YTHDC2: variants seen among roughly 807,000 people sequenced by gnomAD.
YTHDC2 encodes the protein 3'-5' RNA helicase YTHDC2.
YTHDC2 carries 45 observed loss-of-function variants against 174.9 expected under a neutral mutation model. The observed-to-expected ratio is 0.26, with a 90% CI of 0.20 to 0.33. The LOEUF is 0.33. Ranked by LOEUF, YTHDC2 falls within the 10% of genes least tolerant of loss-of-function variation. The pLI, the probability that YTHDC2 is intolerant of heterozygous loss-of-function variation, is 1.00. For synonymous variants in YTHDC2, 657 were observed against 574.5 expected, an observed-to-expected ratio of 1.14 and a Z score of -2.05; for missense variants, 1,650 against 1,723.7, an observed-to-expected ratio of 0.96 and a Z score of 0.76.
At chr5:113,522,737 C>G (rs529300364) in intron 2 of YTHDC2, among the ~76,000 whole-genome samples, 1 of 152,154 alleles carries the variant, frequency 6.6e-6, no homozygotes, top group African/African-American at 2.4e-5. Flanking sequence ...ATGTTTCCAT[C>G]CTCACAACAA....
At chr5:113,550,527 A>T (rs1776182360) in intron 12 of YTHDC2, among the ~76,000 whole-genome samples, 1 of 152,136 alleles carries the variant, frequency 6.6e-6, no homozygotes, top group South Asian at 2.1e-4. Context: ...AATTGTAGGA[A>T]CTGGTGTGGG....
At chr5:113,574,871 G>A (rs1183082378) in intron 23 of YTHDC2, among the ~76,000 whole-genome samples, 1 of 152,190 alleles carries the variant, frequency 6.6e-6, no homozygotes, top group East Asian at 1.9e-4. Context: ...CTGTGGCATG[G>A]GCTCACAAAG....
At chr5:113,587,673 A>G (rs1457885929) in intron 26 of YTHDC2, among the ~76,000 whole-genome samples, 1 of 149,606 alleles carries the variant, frequency 6.7e-6, no homozygotes, top group African/African-American at 2.4e-5. Context: ...AAGTCTTGAA[A>G]TCAGTTAATC....
At chr5:113,563,646 T>C (rs180979874) in intron 19 of YTHDC2, among the ~76,000 whole-genome samples, 154 bp downstream of exon 19, 13 of 152,372 alleles carry the variant, frequency 8.5e-5, no homozygotes, top group African/African-American at 3.1e-4. Context: ...TAAACAATTA[T>C]CTTAAATGAT....
intron 9 of YTHDC2, 125 bp downstream of exon 9, chr5:113,541,241 G>T: frequency 1.9e-6 from 2 of 1,068,108 alleles, no homozygotes; most frequent in Non-Finnish European, 2.7e-6. Flanking sequence ...GCCCAGGCTG[G>T]AGTGGAGTGG....
At chr5:113,525,689 C>A (rs1335031486) in intron 3 of YTHDC2, among the ~76,000 whole-genome samples, 1 of 152,024 alleles carries the variant, frequency 6.6e-6, no homozygotes, top group African/African-American at 2.4e-5. Context: ...TGGACAGAGT[C>A]TTCAGTACAT....
chr5:113,577,404 C>G (rs1232623537), intron 23 of YTHDC2, among the ~76,000 whole-genome samples: 1 of 152,140 alleles, frequency 6.6e-6, no homozygotes, highest in Non-Finnish European at 1.5e-5. Context: ...GAGTCTTGGT[C>G]TGTCCCTCAG....
rs751862441 is a variant in YTHDC2 at position 113,591,194 on chromosome 5, A to G, written c.3979A>G (p.Ser1327Gly). ...GAAGCTAAATCGAGCCTTTTGGGAA[A>G]GCAGCATAGTTTACTTGGTATTTTC... The part of the protein sequence containing the change: ...ERKLNRAFWE[S>G]SIVYLVFSVQ... The change falls in exon 27 of 30, where the codon AGC becomes GGC. Residue 1327 changes from serine to glycine, a missense_variant. Ser to Gly is a moderately conservative substitution (Grantham distance 56). Around this residue, in one of 5 missense-constraint regions of YTHDC2, gnomAD observed 913 missense variants for 940.4 expected, o/e 0.97. Coordinates refer to ENST00000161863, the MANE Select transcript of YTHDC2 (RefSeq NM_022828.5). The G allele has an allele frequency of 1.7e-5, 28 of 1,613,964 alleles. No homozygotes were observed. In the East Asian group the frequency reaches 5.8e-4, roughly 33 times the overall value.
intron 2 of YTHDC2, among the ~76,000 whole-genome samples, chr5:113,524,230 A>G (rs1380230542): frequency 6.6e-6 from 1 of 152,160 alleles, no homozygotes; most frequent in Non-Finnish European, 1.5e-5. Context: ...GGCATGTATT[A>G]TGAAATCATT....
At chr5:113,576,159 G>T (rs1221356302) in intron 23 of YTHDC2, among the ~76,000 whole-genome samples, 4 of 152,044 alleles carry the variant, frequency 2.6e-5, no homozygotes, top group African/African-American at 9.7e-5. Flanking sequence ...GAAGATGTCT[G>T]GGCTAGCAAT....
Position 113,548,956 on chromosome 5 carries a change from A to T in YTHDC2, c.1624A>T (p.Met542Leu), listed in dbSNP as rs371193934. ...TATATATCCTTTGAATTTTGGCAGGATGGCATTGGATTGGGCTAAACACTT... is the reference window on the plus strand; with the variant it reads ...TATATATCCTTTGAATTTTGGCAGGTTGGCATTGGATTGGGCTAAACACTT... The part of the protein sequence containing the change: ...NVHSKASNGW[M>L]ALDWAKHFGQ... Residue 542 changes from methionine (M) to leucine (L), a missense_variant and splice_region_variant, in exon 12 of 30, where the codon ATG becomes TTG. Met to Leu is a conservative substitution (Grantham distance 15). Coordinates refer to ENST00000161863, the MANE Select transcript of YTHDC2 (RefSeq NM_022828.5). 2 of 1,611,398 alleles carry T rather than the reference A, an allele frequency of 1.2e-6. No homozygotes were observed. Among genetic ancestry groups the T allele is most frequent in the Non-Finnish European group, 1.7e-6 (2 of 1,178,768 alleles).
At chr5:113,549,205 C>T (rs574535511) in intron 12 of YTHDC2, among the ~76,000 whole-genome samples, 185 bp downstream of exon 12, 136 of 152,010 alleles carry the variant, frequency 8.9e-4, no homozygotes, top group Non-Finnish European at 1.6e-3. Flanking sequence ...TTTAAGAAAT[C>T]AGTAGAGGGA....
In YTHDC2 at chr5:113,593,742, A is replaced by G. The variant is rs1156519605; in HGVS notation, c.*268A>G. The stretch of plus-strand genomic sequence containing the variant: ...AATAGCAGTTTATTTTAAACAAACA[A>G]TTTGAAGTTAAACATTTCATTTTTA... On this transcript the variant is annotated 3_prime_UTR_variant, in exon 30 of 30. Transcript: ENST00000161863. 6.3e-6 allele frequency: 1 copy of G among 159,770 alleles called. No homozygotes were observed. Among genetic ancestry groups the G allele is most frequent in the East Asian group, 1.8e-4 (1 of 5,676 alleles). The allele number at this position is 159,770 out of a possible 1,614,324, so 9.9% of individuals were successfully genotyped here.
intron 17 of YTHDC2, among the ~76,000 whole-genome samples, chr5:113,558,498 A>T (rs1206105449): frequency 1.3e-5 from 2 of 152,176 alleles, no homozygotes; most frequent in Non-Finnish European, 2.9e-5. Flanking sequence ...TTGATTGTGT[A>T]TGTAGGGGGT....
chr5:113,515,402 A>G, intron 2 of YTHDC2, 40 bp downstream of exon 2: 2 of 1,536,084 alleles, frequency 1.3e-6, no homozygotes, highest in Middle Eastern at 2.1e-4. Flanking sequence ...AAAAAAGATT[A>G]TTTGCCCAAA....
intron 26 of YTHDC2, among the ~76,000 whole-genome samples, chr5:113,588,867 T>A (rs1778835441): frequency 1.3e-5 from 2 of 151,964 alleles, no homozygotes; most frequent in African/African-American, 4.8e-5. Flanking sequence ...TCAAGTGATC[T>A]GCTCACCTCT....
intron 25 of YTHDC2, chr5:113,583,019 A>T (rs1441702995): frequency 6.6e-6 from 1 of 152,182 alleles, no homozygotes; most frequent in Non-Finnish European, 1.5e-5. Flanking sequence ...AGGATGTAGG[A>T]ATATATTTCC....
At position 113,594,600 on chromosome 5, in the gene YTHDC2, T is replaced by C. The variant is rs542092319; in HGVS notation, c.*1126T>C. 6.6e-6 allele frequency: 1 copy of C among 152,264 alleles called. No homozygotes were observed. The highest frequency in any genetic ancestry group is 2.1e-4 in the South Asian group (1 of 4,828). 9.4% of individuals were successfully genotyped at this position (152,264 alleles called of 1,614,324 possible). Reference sequence around the variant, plus strand: ...TTCTTTGCCATCTCAGAATTATCTTTTTACCACCACTGTTTATAAAATTTC... The same window carrying C: ...TTCTTTGCCATCTCAGAATTATCTTCTTACCACCACTGTTTATAAAATTTC... On this transcript the variant is annotated 3_prime_UTR_variant, in exon 30 of 30. Coordinates refer to ENST00000161863, the MANE Select transcript of YTHDC2 (RefSeq NM_022828.5).
chr5:113,515,431 G>T, intron 2 of YTHDC2, 69 bp downstream of exon 2: 1 of 1,285,246 alleles, frequency 7.8e-7, no homozygotes, highest in South Asian at 1.3e-5. Context: ...AAACGTTTCT[G>T]AGTACATTTA....
Sources: allele counts gnomAD v4.1 joint callset (sites outside exome capture counted in the v4.1 genomes callset), GRCh38; gene constraint gnomAD v4.1.1; regional missense constraint gnomAD v4.1.1; transcripts MANE v1.5; gene names NCBI Gene and HGNC (gene_info 2026-07-23, HGNC 2026-07-21).